The following LRRIQ3 variants were observed in gnomAD, a reference collection of about 807,000 sequenced individuals.
The protein encoded by LRRIQ3 is leucine-rich repeat and IQ domain-containing protein 3.
LRRIQ3 carries 75 observed loss-of-function variants against 59.3 expected under a neutral mutation model. The ratio of observed to expected loss-of-function variants is 1.26; its 90% confidence interval spans 1.05 to 1.53. LRRIQ3 has a LOEUF of 1.53. LRRIQ3 is among the 40% of genes most tolerant of loss of function. LRRIQ3 has a pLI of 0.00. For missense variants in LRRIQ3, 831 were observed against 710.0 expected (o/e 1.17, Z -1.94); for synonymous variants, 250 against 231.3 (o/e 1.08, Z -0.73).
At chr1:74,074,928 G>A (rs1357216332) in intron 5 of LRRIQ3, 138 bp from the exon 6 acceptor site, 2 of 381,032 alleles carry the variant, frequency 5.2e-6, no homozygotes, top group African/African-American at 2.1e-5. Context: ...GAGGTAGGCA[G>A]GGTTAAGAAA....
intron 6 of LRRIQ3, among the ~76,000 whole-genome samples, chr1:74,049,925 CT>C (rs1343000738): frequency 9.7e-5 from 10 of 102,788 alleles, no homozygotes; most frequent in Admixed American, 2.0e-4. Flanking sequence ...TCTTTTTTTT[CT>C]TTTTTTTTTT....
In LRRIQ3 at chr1:74,122,338, T is replaced by C. The variant is rs186930971; in HGVS notation, c.708-12785A>G. Among the ~76,000 whole-genome samples the C allele has an allele frequency of 2.0e-3, 308 of 152,326 alleles. 3 individuals are homozygous for C. The highest frequency in any genetic ancestry group is 6.7e-3 in the African/African-American group (277 of 41,596). On this transcript the variant is annotated intron_variant, in intron 4 of 7. Transcript: ENST00000354431. Reference sequence around the variant, plus strand: ...ACATTTCTCTGATGGCCAGTGATGATGAGCATTTTTTCATGTGTCTTTTGG... The same window carrying C: ...ACATTTCTCTGATGGCCAGTGATGACGAGCATTTTTTCATGTGTCTTTTGG...
At chr1:74,120,245 G>A (rs1646834313) in intron 4 of LRRIQ3, among the ~76,000 whole-genome samples, 1 of 151,728 alleles carries the variant, frequency 6.6e-6, no homozygotes, top group Non-Finnish European at 1.5e-5. Flanking sequence ...AGCCTCCTGA[G>A]TAGCTGGAAT....
intron 4 of LRRIQ3, among the ~76,000 whole-genome samples, chr1:74,114,566 C>T (rs1222668327): frequency 1.3e-5 from 2 of 151,788 alleles, no homozygotes; most frequent in Non-Finnish European, 2.9e-5. Flanking sequence ...GAAACCCCAT[C>T]TCTACTAAAA....
At chr1:74,038,274 C>T (rs1203401115) in intron 7 of LRRIQ3, among the ~76,000 whole-genome samples, 1 of 152,190 alleles carries the variant, frequency 6.6e-6, no homozygotes, top group Non-Finnish European at 1.5e-5. Context: ...GGAACTCCAA[C>T]AACTCCAGCC....
In LRRIQ3 at chr1:74,183,450, G is replaced by T. The variant is rs570666861; in HGVS notation, c.235C>A (p.Leu79Ile). ...CTATTGCTTACCTGATTTCCATGGA[G>T]ATCAAGTTTGATTAATTTTATACAA... ...QSCIKLIKLD[L>I]HGNQIKSLPN... is the part of the protein sequence containing the mutation. Residue 79 changes from leucine (L) to isoleucine (I), a missense_variant, in exon 2 of 8, where the codon CTC (leucine) becomes ATC (isoleucine). Physicochemically the swap from Leu to Ile is conservative, Grantham distance 5. Transcript: ENST00000354431. 17 of 1,584,364 alleles carry T rather than the reference G, an allele frequency of 1.1e-5. No individual in the cohort carries two copies. The South Asian group carries it at 2.0e-4, about 18-fold the overall frequency.
chr1:74,145,991 T>C (rs1018432624), intron 4 of LRRIQ3, among the ~76,000 whole-genome samples: 2 of 152,126 alleles, frequency 1.3e-5, no homozygotes, highest in African/African-American at 4.8e-5. Context: ...GTACTTTTAC[T>C]CTCTTTTCTA....
At chr1:74,044,936 C>G (rs1207372048) in intron 6 of LRRIQ3, among the ~76,000 whole-genome samples, 2 of 152,030 alleles carry the variant, frequency 1.3e-5, no homozygotes, top group African/African-American at 4.8e-5. Context: ...CTGAATAGAC[C>G]AATAACTAGT....
At chr1:74,155,252 C>T (rs939260596) in intron 4 of LRRIQ3, among the ~76,000 whole-genome samples, 1 of 152,146 alleles carries the variant, frequency 6.6e-6, no homozygotes, top group Non-Finnish European at 1.5e-5. Context: ...CCTATCATAT[C>T]TCTGCAAGTA....
intron 6 of LRRIQ3, among the ~76,000 whole-genome samples, chr1:74,073,292 G>A (rs115481214): frequency 0.033 from 5,085 of 152,020 alleles, 307 homozygotes; most frequent in African/African-American, 0.12. Context: ...GCAGGCGATT[G>A]CCTGAGCTCA....
chr1:74,058,861 C>A (rs1654616518), intron 6 of LRRIQ3, among the ~76,000 whole-genome samples: 1 of 151,982 alleles, frequency 6.6e-6, no homozygotes, highest in Non-Finnish European at 1.5e-5. Flanking sequence ...GTATTAATTA[C>A]AAACAAAATA....
intron 1 of LRRIQ3, among the ~76,000 whole-genome samples, chr1:74,190,815 AACG>A (rs1650717283): frequency 6.6e-6 from 1 of 152,188 alleles, no homozygotes; most frequent in Admixed American, 6.5e-5. Flanking sequence ...CACAGATAAT[AACG>A]ACATTTGATT....
At chr1:74,074,609 CTCT>C (rs1646180384) in intron 6 of LRRIQ3, 49 bp downstream of exon 6, 1 of 847,830 alleles carries the variant, frequency 1.2e-6, no homozygotes, top group Non-Finnish European at 1.6e-6. Context: ...ATATTATTTA[CTCT>C]TCATCAAAAT....
chr1:74,074,918 G>A, intron 5 of LRRIQ3, 128 bp from the exon 6 acceptor site: 1 of 425,144 alleles, frequency 2.4e-6, no homozygotes, highest in Non-Finnish European at 4.0e-6. Context: ...AAAAACCTGT[G>A]AGGTAGGCAG....
intron 1 of LRRIQ3, among the ~76,000 whole-genome samples, chr1:74,186,609 A>G (rs920117913): frequency 1.3e-5 from 2 of 152,204 alleles, no homozygotes; most frequent in Non-Finnish European, 2.9e-5. Flanking sequence ...GGGAATTGGT[A>G]TGATTGGCAC....
intron 3 of LRRIQ3, among the ~76,000 whole-genome samples, chr1:74,160,567 A>G (rs1648602066): frequency 6.6e-6 from 1 of 151,904 alleles, no homozygotes; most frequent in African/African-American, 2.4e-5. Flanking sequence ...ATTCCATCCT[A>G]TTTATAAATA....
Position 74,183,802 on chromosome 1 carries a change from T to TA in LRRIQ3, c.1-119dup, listed in dbSNP as rs766322869. On this transcript the variant is annotated intron_variant, in intron 1 of 7. Transcript: ENST00000354431. ...AAAAAGTGTTATTAAAGTTAAAATT[T>TA]AAAAAAACTCATTCTTATAGAACTT... 6.3e-6 allele frequency: 5 copies of TA among 792,300 alleles called. No individual in the cohort carries two copies. The South Asian group carries it at 8.4e-5, about 13-fold the overall frequency. 49.1% of individuals were successfully genotyped at this position (792,300 alleles called of 1,614,324 possible).
At chr1:74,027,041 T>A in intron 7 of LRRIQ3, 72 bp from the exon 8 acceptor site, 1 of 1,004,338 alleles carries the variant, frequency 1.0e-6, no homozygotes, top group Non-Finnish European at 1.4e-6. Context: ...TATTAGACTA[T>A]TAATGATAAT....
chr1:74,052,810 C>T (rs1654407882), intron 6 of LRRIQ3, among the ~76,000 whole-genome samples: 1 of 151,978 alleles, frequency 6.6e-6, no homozygotes, highest in South Asian at 2.1e-4. Flanking sequence ...TTATATCTGA[C>T]TTCTTTAAAA....
Sources: gnomAD v4.1 joint callset for allele counts (sites outside exome capture counted in the v4.1 genomes callset) on GRCh38, gnomAD v4.1.1 for gene constraint, MANE v1.5 for transcripts, NCBI Gene and HGNC (gene_info 2026-07-23, HGNC 2026-07-21) for gene names.